The following PLXNA1 variants were observed in gnomAD, a reference collection of about 807,000 sequenced individuals.
PLXNA1 encodes plexin-A1.
A neutral mutation model predicts 191.7 loss-of-function variants in PLXNA1; 77 were observed. The observed-to-expected ratio is 0.40, with a 90% CI of 0.33 to 0.49. PLXNA1 has a LOEUF of 0.49. Ranked by LOEUF, PLXNA1 falls within the 20% of genes least tolerant of loss-of-function variation. The pLI is 0.63. For synonymous variants in PLXNA1, 1,137 were observed against 1,156.4 expected (o/e 0.98, Z 0.34); for missense variants, 2,110 against 2,660.2 (o/e 0.79, Z 4.55).
At chr3:126,993,025 A>C (rs1332648744) in intron 3 of PLXNA1, among the ~76,000 whole-genome samples, 1 of 152,118 alleles carries the variant, frequency 6.6e-6, no homozygotes, top group African/African-American at 2.4e-5. Flanking sequence ...CCTGTTACCC[A>C]GCCAGTGACC....
At position 126,989,268 on chromosome 3, in the gene PLXNA1, G is replaced by A. The variant is rs778283324; in HGVS notation, c.675G>A (p.Val225=). ...GCTTCGTGTACCAGGATGAGTTTGT[G>A]TCATCACAGCTCAAGATCCCTTCGG... ...MFGFVYQDEF[V]SSQLKIPSDT... The change falls in exon 2 of 32, where the codon GTG becomes GTA. Residue 225 remains valine (V), a synonymous_variant. Transcript: ENST00000393409. 1.1e-5 allele frequency: 18 copies of A among 1,613,590 alleles called. No individual in the cohort carries two copies. Among genetic ancestry groups the A allele is most frequent in the Non-Finnish European group, 1.5e-5 (18 of 1,180,054 alleles).
At chr3:127,015,076 C>G in intron 14 of PLXNA1, 108 bp from the exon 15 acceptor site, 1 of 1,476,370 alleles carries the variant, frequency 6.8e-7, no homozygotes, top group Non-Finnish European at 9.1e-7. Context: ...ATGCGGGCTC[C>G]TAGTCTGGGG....
intron 3 of PLXNA1, among the ~76,000 whole-genome samples, chr3:126,994,427 T>C (rs1274184013): frequency 6.6e-6 from 1 of 152,150 alleles, no homozygotes; most frequent in Non-Finnish European, 1.5e-5. Flanking sequence ...CTAGTTACCG[T>C]GGGACCTTCA....
chr3:126,985,854 C>T (rs2078955947), intron 1 of PLXNA1, among the ~76,000 whole-genome samples: 2 of 152,182 alleles, frequency 1.3e-5, no homozygotes, highest in South Asian at 4.1e-4. Context: ...AAGAAGTGGC[C>T]CAAGCATTGT....
chr3:127,014,452 T>C (rs2079111918), intron 12 of PLXNA1, 26 bp from the exon 13 acceptor site: 1 of 1,595,660 alleles, frequency 6.3e-7, no homozygotes, highest in Non-Finnish European at 8.5e-7. Context: ...GTGGGATGCC[T>C]GTACCCCAGC....
chr3:126,989,909 A>T (rs2078982532), intron 2 of PLXNA1, 122 bp downstream of exon 2: 2 of 864,938 alleles, frequency 2.3e-6, no homozygotes. Context: ...TGGCTTGGCC[A>T]TCCCCATGGC....
chr3:127,023,235 C>T (rs1189344326), intron 23 of PLXNA1, among the ~76,000 whole-genome samples: 1 of 152,198 alleles, frequency 6.6e-6, no homozygotes, highest in Non-Finnish European at 1.5e-5. Context: ...TCAAGCCCCT[C>T]CCACCCCCCA....
At position 127,030,224 on chromosome 3, in the gene PLXNA1, C is replaced by A. The variant is rs772054332; in HGVS notation, c.5062-19C>A. On this transcript the variant is annotated intron_variant, in intron 28 of 31. Transcript: ENST00000393409. ...CAGGCAGCGCCCTGGGGCTCAGTGT[C>A]CCTGCCTGCCCCCCGCAGGGCACAC... The A allele has an allele frequency of 2.2e-5, 36 of 1,610,600 alleles. No individual in the cohort carries two copies. In the South Asian group the frequency reaches 3.9e-4, roughly 17 times the overall value.
intron 26 of PLXNA1, 94 bp downstream of exon 26, chr3:127,029,190 G>A: frequency 9.7e-7 from 1 of 1,032,872 alleles, no homozygotes. Flanking sequence ...GGGCTGGACA[G>A]CAGCTGGATC....
Position 126,988,516 on chromosome 3 carries a change from C to T in PLXNA1, c.-73-5C>T, listed in dbSNP as rs961070808. The T allele has an allele frequency of 3.9e-6, 5 of 1,288,022 alleles. No homozygotes were observed. Among genetic ancestry groups the T allele is most frequent in the Non-Finnish European group, 5.2e-6 (5 of 964,406 alleles). 79.8% of individuals were successfully genotyped at this position (1,288,022 alleles called of 1,614,324 possible). ...TTCACATGCCCTCTTCTGCCCCTTC[C>T]CCAGGGCTGAAGCTCCTGGCACCAT... On this transcript the variant is annotated splice_polypyrimidine_tract_variant and splice_region_variant and intron_variant, in intron 1 of 31. Transcript: ENST00000393409.
intron 1 of PLXNA1, among the ~76,000 whole-genome samples, chr3:126,987,818 C>T (rs2078967317): frequency 6.6e-6 from 1 of 152,076 alleles, no homozygotes; most frequent in Non-Finnish European, 1.5e-5. Context: ...GGACACATTG[C>T]CTGGCTTCTG....
Position 127,014,607 on chromosome 3 carries a change from A to G in PLXNA1, c.2734A>G (p.Ser912Gly). 1 of 1,613,170 alleles carries G rather than the reference A, an allele frequency of 6.2e-7. No individual in the cohort carries two copies. Among genetic ancestry groups the G allele is most frequent in the Admixed American group, 1.7e-5 (1 of 60,016 alleles). The change falls in exon 13 of 32, where the codon AGC (serine) becomes GGC (glycine). Residue 912 changes from serine to glycine, a missense_variant. Transcript: ENST00000393409. Reference protein sequence around the residue: ...VGKVLCSPVESEYISAEQIVC... With the variant: ...VGKVLCSPVEGEYISAEQIVC... ...CAAGGTGCTGTGCAGCCCTGTGGAG[A>G]GCGAGTACATCAGTGCGGAGCAGTG...
rs1261613555 is a variant in PLXNA1 at position 127,018,283 on chromosome 3, C to A, written c.3661-11C>A. ...ATGGGAAGCTCCTGAGTGGCCTCCACCCACTGGCAGGTGCGGGCAGGTGGC... is the reference window on the plus strand; with the variant it reads ...ATGGGAAGCTCCTGAGTGGCCTCCAACCACTGGCAGGTGCGGGCAGGTGGC... On this transcript the variant is annotated splice_polypyrimidine_tract_variant and intron_variant, in intron 19 of 31. Transcript: ENST00000393409. 4 of 1,585,350 alleles carry A rather than the reference C, an allele frequency of 2.5e-6. No individual in the cohort carries two copies. The Admixed American group carries it at 5.2e-5, about 21-fold the overall frequency.
chr3:126,984,343 G>C (rs1029190107), intron 1 of PLXNA1, among the ~76,000 whole-genome samples: 21 of 152,356 alleles, frequency 1.4e-4, no homozygotes, highest in African/African-American at 5.0e-4. Context: ...CCCTCAGCGC[G>C]GCTCCTGTGG....
In PLXNA1 at chr3:127,027,542, A is replaced by G. The variant is rs2079182205; in HGVS notation, c.4363-398A>G. 1.8e-5 allele frequency: 7 copies of G among 398,742 alleles called. No homozygotes were observed. The Admixed American group carries it at 2.0e-4, about 11-fold the overall frequency. The allele number at this position is 398,742 out of a possible 1,614,324, so 24.7% of individuals were successfully genotyped here. ...GGCCATGGGGAGCTTTGTCCTGAGC[A>G]CCTCCAGCTGGGGAGCAGGCCCCTG... On this transcript the variant is annotated intron_variant, in intron 23 of 31. Transcript: ENST00000393409.
intron 9 of PLXNA1, among the ~76,000 whole-genome samples, chr3:127,010,333 C>A (rs2079089353): frequency 6.6e-6 from 1 of 152,202 alleles, no homozygotes; most frequent in Non-Finnish European, 1.5e-5. Context: ...AGACCCACGC[C>A]ACTGCAGGCC....
In PLXNA1 at chr3:127,032,545, C is replaced by G; in HGVS notation, c.5390C>G (p.Ser1797Cys). ...SEHKLGKDSP[S>C]NKLLYAKDIP... ...CACAAGCTGGGCAAGGACTCACCCTCCAACAAGCTGCTCTACGCCAAGGAC... is the reference window on the plus strand; with the variant it reads ...CACAAGCTGGGCAAGGACTCACCCTGCAACAAGCTGCTCTACGCCAAGGAC... The change falls in exon 30 of 32, where the codon TCC (serine) becomes TGC (cysteine). Residue 1797 changes from serine (S) to cysteine (C), a missense_variant. Physicochemically the swap from Ser to Cys is moderately radical, Grantham distance 112. Transcript: ENST00000393409. The G allele has an allele frequency of 6.2e-7, 1 of 1,614,092 alleles. No homozygotes were observed. The highest frequency in any genetic ancestry group is 1.1e-5 in the South Asian group (1 of 91,086).
chr3:127,005,936 C>T (rs1006681330), intron 7 of PLXNA1, 143 bp from the exon 8 acceptor site: 1 of 707,040 alleles, frequency 1.4e-6, no homozygotes, highest in Non-Finnish European at 2.6e-6. Context: ...CACCTGGGGG[C>T]TGAGGGGGCT....
Position 127,014,484 on chromosome 3 carries a change from C to T in PLXNA1, c.2611C>T (p.Pro871Ser). ...CTDPKILKLS[P>S]ETGPRQGGTR... Reference sequence around the variant, plus strand: ...CAGCCTCTGCCTCCCTCAGCTGTCCCCCGAGACGGGCCCGAGGCAGGGCGG... The same window carrying T: ...CAGCCTCTGCCTCCCTCAGCTGTCCTCCGAGACGGGCCCGAGGCAGGGCGG... Residue 871 changes from proline to serine, a missense_variant, in exon 13 of 32, where the codon CCC (proline) becomes TCC (serine). Physicochemically the swap from Pro to Ser is moderately conservative, Grantham distance 74. This residue lies in a region of PLXNA1 where 644 missense variants were observed against 714.3 expected (regional missense o/e 0.90). Coordinates refer to ENST00000393409, the MANE Select transcript of PLXNA1 (RefSeq NM_032242.4). 6.2e-7 allele frequency: 1 copy of T among 1,602,650 alleles called. No individual in the cohort carries two copies. Among genetic ancestry groups the T allele is most frequent in the Non-Finnish European group, 8.5e-7 (1 of 1,179,556 alleles).
Sources: allele counts gnomAD v4.1 joint callset (sites outside exome capture counted in the v4.1 genomes callset), GRCh38; gene constraint gnomAD v4.1.1; regional missense constraint gnomAD v4.1.1; transcripts MANE v1.5; gene names NCBI Gene and HGNC (gene_info 2026-07-23, HGNC 2026-07-21).